VAT1L: variants seen among roughly 807,000 people sequenced by gnomAD.
VAT1L encodes the protein vesicle amine transport 1 like.
Under a neutral mutation model 44.1 loss-of-function variants are expected in VAT1L, and 34 were observed. The observed-to-expected ratio is 0.77, with a 90% CI of 0.59 to 1.03. The LOEUF (loss-of-function observed/expected upper bound fraction) is 1.03, where lower values mean the gene tolerates loss of function less well. Among genes scored for constraint, VAT1L ranks in the 50% least tolerant of loss-of-function variants. VAT1L has a pLI of 0.00. For synonymous variants in VAT1L, 253 were observed against 202.2 expected (o/e 1.25, Z -2.13); for missense variants, 615 against 538.8 (o/e 1.14, Z -1.40).
At chr16:77,899,308 G>A (rs2017356957) in intron 7 of VAT1L, among the ~76,000 whole-genome samples, 2 of 152,180 alleles carry the variant, frequency 1.3e-5, no homozygotes, top group Non-Finnish European at 1.5e-5. Context: ...CAGGAGCGGC[G>A]ATGACTTTGT....
At position 77,798,519 on chromosome 16, in the gene VAT1L, T is replaced by TTGAA. The variant is rs2015980047; in HGVS notation, c.233+9614_233+9617dup. On this transcript the variant is annotated intron_variant, in intron 1 of 8. Transcript: ENST00000302536. ...AGGATGTTGATACATTTCATATTTG[T>TTGAA]TGAATGAATGAATAAATGAAGTGTG... Among the ~76,000 whole-genome samples, 4 of 152,278 alleles carry TTGAA rather than the reference T, an allele frequency of 2.6e-5. No individual in the cohort carries two copies. In the South Asian group the frequency reaches 8.3e-4, roughly 32 times the overall value.
At chr16:77,940,346 T>C in intron 7 of VAT1L, among the ~76,000 whole-genome samples, 1 of 145,780 alleles carries the variant, frequency 6.9e-6, no homozygotes, top group East Asian at 2.0e-4. Context: ...CTTGGTTTTT[T>C]TTTTTTTTTT....
At chr16:77,939,085 G>A (rs2017842136) in intron 7 of VAT1L, among the ~76,000 whole-genome samples, 1 of 152,128 alleles carries the variant, frequency 6.6e-6, no homozygotes, top group South Asian at 2.1e-4. Context: ...GTGCTCTGTT[G>A]CCCTGTTAGT....
At chr16:77,893,494 C>A (rs2142469250) in intron 7 of VAT1L, among the ~76,000 whole-genome samples, 1 of 152,318 alleles carries the variant, frequency 6.6e-6, no homozygotes, top group Non-Finnish European at 1.5e-5. Flanking sequence ...TCATAGTAGG[C>A]CATGAAAGTG....
intron 7 of VAT1L, among the ~76,000 whole-genome samples, chr16:77,942,487 T>TG (rs1360029463): frequency 6.6e-6 from 1 of 152,124 alleles, no homozygotes; most frequent in Non-Finnish European, 1.5e-5. Flanking sequence ...GAGAATTCTT[T>TG]GAATATATAC....
chr16:77,809,079 A>G (rs992675207), intron 1 of VAT1L, among the ~76,000 whole-genome samples: 13 of 152,346 alleles, frequency 8.5e-5, no homozygotes, highest in Admixed American at 7.8e-4. Context: ...AGCAAAGTAC[A>G]TTAGTCAAGA....
At chr16:77,932,357 G>A (rs1246168810) in intron 7 of VAT1L, among the ~76,000 whole-genome samples, 1 of 151,854 alleles carries the variant, frequency 6.6e-6, no homozygotes, top group African/African-American at 2.4e-5. Context: ...CTCCCGCCTT[G>A]GCCTCCAAAA....
chr16:77,956,307 G>A (rs564445964), intron 7 of VAT1L, among the ~76,000 whole-genome samples: 22 of 152,066 alleles, frequency 1.4e-4, no homozygotes, highest in African/African-American at 4.8e-4. Flanking sequence ...TTCTCATCTC[G>A]ACTCTCCTCC....
At chr16:77,850,058 G>A (rs962531799) in intron 3 of VAT1L, among the ~76,000 whole-genome samples, 2 of 152,178 alleles carry the variant, frequency 1.3e-5, no homozygotes, top group Non-Finnish European at 2.9e-5. Context: ...ACATGGACAC[G>A]CGTGCCAGGC....
intron 7 of VAT1L, among the ~76,000 whole-genome samples, chr16:77,907,750 TC>T (rs1474244027): frequency 2.0e-5 from 3 of 152,088 alleles, no homozygotes; most frequent in African/African-American, 7.2e-5. Flanking sequence ...GTTCTCCTCC[TC>T]CCCTATCCTG....
At chr16:77,872,995 G>T (rs2017047940) in intron 4 of VAT1L, among the ~76,000 whole-genome samples, 2 of 152,174 alleles carry the variant, frequency 1.3e-5, no homozygotes, top group East Asian at 3.8e-4. Context: ...TGGTCTAGAT[G>T]TTTGATCTAG....
chr16:77,872,652 C>G (rs544670678), intron 4 of VAT1L, among the ~76,000 whole-genome samples: 1 of 152,276 alleles, frequency 6.6e-6, no homozygotes, highest in East Asian at 1.9e-4. Flanking sequence ...AAGGCCTTTG[C>G]ACATCCTGTT....
chr16:77,795,291 A>AGGG (rs2015909534), intron 1 of VAT1L, among the ~76,000 whole-genome samples: 2 of 145,014 alleles, frequency 1.4e-5, no homozygotes, highest in Admixed American at 6.8e-5. Context: ...GGCGGGGGGA[A>AGGG]AGATTGAGAA....
At chr16:77,937,009 C>T (rs1263457205) in intron 7 of VAT1L, among the ~76,000 whole-genome samples, 1 of 152,118 alleles carries the variant, frequency 6.6e-6, no homozygotes. Context: ...CTCAGCCTCC[C>T]GAGTAGCTGG....
In VAT1L at chr16:77,946,021, C is replaced by T. The variant is rs1252281344; in HGVS notation, c.1078-25829C>T. Among the ~76,000 whole-genome samples, 5 of 151,910 alleles carry T rather than the reference C, an allele frequency of 3.3e-5. No individual in the cohort carries two copies. The East Asian group carries it at 5.8e-4, about 18-fold the overall frequency. On this transcript the variant is annotated intron_variant, in intron 7 of 8. Coordinates refer to ENST00000302536, the MANE Select transcript of VAT1L (RefSeq NM_020927.3). ...TTCACCATGTTGGTCAGGCTGGTCTCGAACTGCTGACCGCATGATCTGCCC... is the reference window on the plus strand; with the variant it reads ...TTCACCATGTTGGTCAGGCTGGTCTTGAACTGCTGACCGCATGATCTGCCC...
At chr16:77,974,686 C>T (rs2018316373) in intron 8 of VAT1L, among the ~76,000 whole-genome samples, 1 of 152,158 alleles carries the variant, frequency 6.6e-6, no homozygotes, top group Non-Finnish European at 1.5e-5. Flanking sequence ...CCTCAGTCTC[C>T]TGAGTAGCTG....
intron 7 of VAT1L, among the ~76,000 whole-genome samples, chr16:77,903,681 G>C: frequency 1.3e-5 from 2 of 150,426 alleles, no homozygotes; most frequent in South Asian, 4.2e-4. Context: ...TCAATGCCAC[G>C]TGATTTTAAA....
chr16:77,962,826 G>T (rs1036278101), intron 7 of VAT1L, among the ~76,000 whole-genome samples: 1 of 152,014 alleles, frequency 6.6e-6, no homozygotes, highest in African/African-American at 2.4e-5. Flanking sequence ...CATGCCTGCA[G>T]TCTCAGCTAC....
intron 8 of VAT1L, among the ~76,000 whole-genome samples, chr16:77,976,601 C>G (rs1485964674): frequency 6.6e-6 from 1 of 152,126 alleles, no homozygotes; most frequent in African/African-American, 2.4e-5. Context: ...GGGATAAGAA[C>G]AGAAAAGAAA....
Sources: allele counts gnomAD v4.1 joint callset (sites outside exome capture counted in the v4.1 genomes callset), GRCh38; gene constraint gnomAD v4.1.1; transcripts MANE v1.5; gene names NCBI Gene and HGNC (gene_info 2026-07-23, HGNC 2026-07-21).